Variants in PDGFD observed in about 807,000 individuals in gnomAD.
PDGFD encodes platelet derived growth factor D.
A neutral mutation model predicts 44.7 loss-of-function variants in PDGFD; 30 were observed. The observed-to-expected ratio is 0.67, with a 90% CI of 0.50 to 0.91. The LOEUF is 0.91. PDGFD is among the 40% of genes least tolerant of loss of function. The pLI, the probability that PDGFD is intolerant of heterozygous loss-of-function variation, is 0.00. For synonymous variants in PDGFD, 173 were observed against 168.4 expected (o/e 1.03, Z -0.21); for missense variants, 445 against 457.8 (o/e 0.97, Z 0.25).
intron 1 of PDGFD, among the ~76,000 whole-genome samples, chr11:104,014,047 T>C (rs1859824022): frequency 6.6e-6 from 1 of 152,202 alleles, no homozygotes. Flanking sequence ...ATTCTGAGCC[T>C]GTGTCTATGT....
intron 1 of PDGFD, chr11:104,036,884 T>C (rs760536108): frequency 1.9e-6 from 3 of 1,614,096 alleles, no homozygotes; most frequent in Admixed American, 3.3e-5. Flanking sequence ...TCTCTCCAGG[T>C]CAGCCCCGAC....
intron 1 of PDGFD, among the ~76,000 whole-genome samples, chr11:104,121,176 G>T (rs1341102947): frequency 2.0e-5 from 3 of 151,950 alleles, no homozygotes; most frequent in Non-Finnish European, 4.4e-5. Context: ...AGATTTTAAA[G>T]AACAAATTGA....
chr11:103,960,853 T>TAG (rs140274188), intron 3 of PDGFD, among the ~76,000 whole-genome samples: 27,876 of 151,264 alleles, frequency 0.18, 6,371 homozygotes, highest in African/African-American at 0.54. Flanking sequence ...CCACACATGG[T>TAG]AGAGAGAGAG....
At chr11:104,114,060 T>C (rs1323774227) in intron 1 of PDGFD, among the ~76,000 whole-genome samples, 4 of 152,212 alleles carry the variant, frequency 2.6e-5, no homozygotes, top group African/African-American at 9.6e-5. Context: ...TTGCATTCTC[T>C]TTATGGTGTC....
At chr11:104,162,384 C>T (rs1251176868) in intron 1 of PDGFD, among the ~76,000 whole-genome samples, 1 of 152,040 alleles carries the variant, frequency 6.6e-6, no homozygotes, top group East Asian at 1.9e-4. Context: ...CAAGATCTGT[C>T]CCTAGTGGAA....
chr11:104,035,612 T>G (rs1405977297), intron 1 of PDGFD, among the ~76,000 whole-genome samples: 1 of 150,782 alleles, frequency 6.6e-6, no homozygotes, highest in African/African-American at 2.4e-5. Context: ...ATTGATAATA[T>G]TTAATATTTA....
At position 103,968,509 on chromosome 11, in the gene PDGFD, C is replaced by T. The variant is rs79095160; in HGVS notation, c.511-20785G>A. ...ACCTTACTCTCTTCACCGAATTGTG[C>T]ATATCCTACACCTGAATATCAAAGT... On this transcript the variant is annotated intron_variant, in intron 3 of 6. Transcript: ENST00000393158. Among the ~76,000 whole-genome samples the T allele has an allele frequency of 7.2e-3, 1,095 of 152,236 alleles. 17 individuals are homozygous for T. Among genetic ancestry groups the T allele is most frequent in the African/African-American group, 0.025 (1,039 of 41,508 alleles).
At chr11:103,988,038 C>T (rs61904884) in intron 3 of PDGFD, among the ~76,000 whole-genome samples, 4,951 of 152,172 alleles carry the variant, frequency 0.033, 129 homozygotes, top group Non-Finnish European at 0.056. Context: ...TATAAGTGAA[C>T]GATAGGTGGA....
At chr11:104,125,246 C>T (rs571123542) in intron 1 of PDGFD, among the ~76,000 whole-genome samples, 1 of 152,270 alleles carries the variant, frequency 6.6e-6, no homozygotes, top group Non-Finnish European at 1.5e-5. Flanking sequence ...TCTGAATTTC[C>T]TGCTTACCAG....
chr11:103,927,264 A>G lies in PDGFD; in HGVS notation c.773-138T>C, dbSNP rs1565286499. 1.8e-5 allele frequency: 13 copies of G among 712,830 alleles called. No homozygotes were observed. In the South Asian group the frequency reaches 1.9e-4, roughly 10 times the overall value. 44.2% of individuals were successfully genotyped at this position (712,830 alleles called of 1,614,324 possible). On this transcript the variant is annotated intron_variant, in intron 5 of 6. Coordinates refer to ENST00000393158, the MANE Select transcript of PDGFD (RefSeq NM_025208.5). ...GATTAAATCCATCCTCAGGCTCTCA[A>G]TTACTGGGAACCTAAAGTAAAAGAC... is the stretch of plus-strand genomic sequence containing the variant.
intron 2 of PDGFD, among the ~76,000 whole-genome samples, chr11:103,999,661 G>A (rs536974351): frequency 1.3e-5 from 2 of 152,288 alleles, no homozygotes; most frequent in Admixed American, 6.5e-5. Flanking sequence ...AGCGGGAGCC[G>A]GGCAGGGGTT....
At chr11:104,143,422 C>T (rs796613373) in intron 1 of PDGFD, among the ~76,000 whole-genome samples, 1 of 152,304 alleles carries the variant, frequency 6.6e-6, no homozygotes, top group African/African-American at 2.4e-5. Context: ...AAACTCTTTA[C>T]TTCTTGGAAT....
chr11:103,950,047 A>G (rs191876729), intron 3 of PDGFD, among the ~76,000 whole-genome samples: 4 of 152,136 alleles, frequency 2.6e-5, no homozygotes, highest in Non-Finnish European at 5.9e-5. Context: ...TTCGGGGGGA[A>G]GTTTGCTACA....
chr11:103,924,369 G>T (rs545880719), intron 6 of PDGFD, among the ~76,000 whole-genome samples: 3 of 152,232 alleles, frequency 2.0e-5, no homozygotes, highest in Admixed American at 1.3e-4. Context: ...ATAAAATTCA[G>T]GTTCTTAGAA....
intron 1 of PDGFD, among the ~76,000 whole-genome samples, chr11:104,067,247 A>C (rs1399240679): frequency 6.6e-6 from 1 of 152,158 alleles, no homozygotes; most frequent in Admixed American, 6.6e-5. Flanking sequence ...TTTTTGAGGG[A>C]GGATCAAACA....
chr11:103,967,504 G>A (rs988101461), intron 3 of PDGFD, among the ~76,000 whole-genome samples: 18 of 151,954 alleles, frequency 1.2e-4, no homozygotes, highest in African/African-American at 4.8e-5. Flanking sequence ...CTCTCTCTTC[G>A]ATCTCACTGA....
chr11:103,934,130 T>C (rs1343413021), intron 5 of PDGFD, among the ~76,000 whole-genome samples: 2 of 152,258 alleles, frequency 1.3e-5, no homozygotes, highest in East Asian at 3.8e-4. Context: ...CATGATTCTC[T>C]ATTTTCTAGC....
At chr11:103,942,917 C>A (rs755587004) in intron 5 of PDGFD, among the ~76,000 whole-genome samples, 36 of 152,072 alleles carry the variant, frequency 2.4e-4, no homozygotes, top group Non-Finnish European at 3.8e-4. Context: ...GCTAATAATG[C>A]CTTGCTTGCC....
At chr11:104,118,849 T>TAA in intron 1 of PDGFD, among the ~76,000 whole-genome samples, 1 of 29,660 alleles carries the variant, frequency 3.4e-5, no homozygotes, top group African/African-American at 1.0e-4. Context: ...TAATATATTA[T>TAA]ATATTATAAT....
Sources: allele counts gnomAD v4.1 joint callset (sites outside exome capture counted in the v4.1 genomes callset), GRCh38; gene constraint gnomAD v4.1.1; transcripts MANE v1.5; gene names NCBI Gene and HGNC (gene_info 2026-07-23, HGNC 2026-07-21).